C10orf90: variants seen among roughly 807,000 people sequenced by gnomAD.
C10orf90 encodes chromosome 10 open reading frame 90.
In C10orf90, 56 loss-of-function variants were observed where a neutral mutation model predicts 62.5. The ratio of observed to expected loss-of-function variants is 0.90; its 90% CI spans 0.72 to 1.12. The LOEUF (loss-of-function observed/expected upper bound fraction) is 1.12. Ranked by LOEUF, C10orf90 falls within the 50% of genes most tolerant of loss-of-function variation. The pLI is 0.00. For missense variants in C10orf90, 970 were observed against 880.4 expected (o/e 1.10, Z -1.29); for synonymous variants, 386 against 340.4 (o/e 1.13, Z -1.47).
chr10:126,668,151 A>G (rs1012727337), intron 1 of C10orf90, among the ~76,000 whole-genome samples: 1 of 152,222 alleles, frequency 6.6e-6, no homozygotes, highest in African/African-American at 2.4e-5. Context: ...AAAATCAAGC[A>G]GATTTGCAGG....
intron 2 of C10orf90, among the ~76,000 whole-genome samples, chr10:126,575,084 A>G (rs770372707): frequency 1.3e-5 from 2 of 152,136 alleles, no homozygotes; most frequent in African/African-American, 2.4e-5. Flanking sequence ...AGATAACATG[A>G]TTATGCATGT....
intron 7 of C10orf90, among the ~76,000 whole-genome samples, chr10:126,441,574 C>T (rs2134025373): frequency 6.6e-6 from 1 of 152,274 alleles, no homozygotes; most frequent in South Asian, 2.1e-4. Flanking sequence ...CGCCTAGGCA[C>T]ATTGTCATCA....
intron 2 of C10orf90, among the ~76,000 whole-genome samples, chr10:126,584,261 CCTGCCTGTCTACCTGT>C (rs1465346605): frequency 6.6e-6 from 1 of 152,032 alleles, no homozygotes; most frequent in African/African-American, 2.4e-5. Context: ...TGTCTGCCTG[CCTGCCTGTCTACCTGT>C]CTGCCTGTCC....
intron 2 of C10orf90, among the ~76,000 whole-genome samples, chr10:126,522,554 C>T (rs1863791676): frequency 6.6e-6 from 1 of 152,194 alleles, no homozygotes; most frequent in Non-Finnish European, 1.5e-5. Flanking sequence ...GTCAGTGTCT[C>T]CGTCATGTCA....
intron 2 of C10orf90, among the ~76,000 whole-genome samples, chr10:126,521,871 C>T (rs1387642990): frequency 6.6e-6 from 1 of 152,132 alleles, no homozygotes; most frequent in Non-Finnish European, 1.5e-5. Flanking sequence ...TTTGAGGTAG[C>T]TTATAGTTAA....
At chr10:126,607,857 C>A (rs1362838360) in intron 2 of C10orf90, among the ~76,000 whole-genome samples, 2 of 152,096 alleles carry the variant, frequency 1.3e-5, no homozygotes, top group Admixed American at 1.3e-4. Flanking sequence ...TATTACATGT[C>A]TATTATGTTA....
rs973878591 is a variant in C10orf90 at position 126,649,556 on chromosome 10, T to C, written c.241-2919A>G. Among the ~76,000 whole-genome samples, 32 of 152,322 alleles carry C rather than the reference T, an allele frequency of 2.1e-4. 2 individuals carry two copies. The highest frequency in any genetic ancestry group is 5.8e-4 in the African/African-American group (24 of 41,572). ...CCTGGTCCTTCTGGAGCTTGGCTCA[T>C]ATGACCTGCCCACATGCGTGTCTCT... On this transcript the variant is annotated intron_variant, in intron 1 of 9. Transcript: ENST00000488181.
intron 2 of C10orf90, among the ~76,000 whole-genome samples, chr10:126,604,584 G>C (rs1025643): frequency 6.6e-6 from 1 of 152,082 alleles, no homozygotes; most frequent in Non-Finnish European, 1.5e-5. Flanking sequence ...TTCCCCTCTC[G>C]CCAGACCCCC....
chr10:126,463,606 CCCAGCCA>C (rs1426466922), intron 5 of C10orf90, among the ~76,000 whole-genome samples: 5 of 152,210 alleles, frequency 3.3e-5, no homozygotes, highest in Admixed American at 1.3e-4. Flanking sequence ...TTCCTCCTGT[CCCAGCCA>C]CTTGCGTCAT....
intron 7 of C10orf90, among the ~76,000 whole-genome samples, chr10:126,439,086 C>T (rs532343478): frequency 1.1e-3 from 166 of 152,282 alleles, no homozygotes; most frequent in African/African-American, 3.4e-3. Flanking sequence ...TTGGCCATAA[C>T]GTTCCTGGTG....
At chr10:126,569,959 A>G (rs2134002442) in intron 2 of C10orf90, among the ~76,000 whole-genome samples, 1 of 152,332 alleles carries the variant, frequency 6.6e-6, no homozygotes, top group African/African-American at 2.4e-5. Context: ...TTAGCTGGTG[A>G]CTTCACAGCA....
intron 2 of C10orf90, chr10:126,522,799 T>C (rs1211474257): frequency 6.6e-6 from 1 of 152,186 alleles, no homozygotes; most frequent in Non-Finnish European, 1.5e-5. Flanking sequence ...TAGGAGAAGG[T>C]AAAAGTAGAA....
Position 126,450,168 on chromosome 10 carries a change from A to T in C10orf90, c.2188+8872T>A, listed in dbSNP as rs185575272. 2.6e-3 allele frequency among the ~76,000 whole-genome samples: 401 copies of T among 152,330 alleles called. 4 individuals carry two copies. The highest frequency in any genetic ancestry group is 9.3e-3 in the African/African-American group (387 of 41,578). ...ACTAAAAGCTATAGAACACTGATGA[A>T]AGAAACTGAAGACATAATTAAAAGA... On this transcript the variant is annotated intron_variant, in intron 7 of 9. Transcript: ENST00000488181.
At chr10:126,586,480 G>A (rs1000895815) in intron 2 of C10orf90, among the ~76,000 whole-genome samples, 3 of 152,190 alleles carry the variant, frequency 2.0e-5, no homozygotes, top group Admixed American at 2.0e-4. Flanking sequence ...GTCCATTCAA[G>A]GTTCATGTGG....
At chr10:126,499,545 T>C (rs891060270) in intron 4 of C10orf90, among the ~76,000 whole-genome samples, 1 of 152,180 alleles carries the variant, frequency 6.6e-6, no homozygotes, top group African/African-American at 2.4e-5. Context: ...TGTACATGGT[T>C]TGTTATCTGC....
At chr10:126,594,108 C>CTTTTT (rs5788794) in intron 2 of C10orf90, among the ~76,000 whole-genome samples, 15 of 132,044 alleles carry the variant, frequency 1.1e-4, no homozygotes, top group East Asian at 1.1e-3. Flanking sequence ...ACCAGGCTTG[C>CTTTTT]TTTTTTTTTT....
At chr10:126,476,954 G>C (rs1244779393) in intron 4 of C10orf90, among the ~76,000 whole-genome samples, 2 of 138,774 alleles carry the variant, frequency 1.4e-5, no homozygotes, top group Non-Finnish European at 3.0e-5. Flanking sequence ...CTGTCGCCCA[G>C]GCTGGAGTGC....
intron 2 of C10orf90, among the ~76,000 whole-genome samples, chr10:126,535,751 C>A (rs10901629): frequency 0.054 from 8,268 of 152,218 alleles, 338 homozygotes; most frequent in African/African-American, 0.11. Context: ...CCTTAGCCAG[C>A]CGAGCTTTTC....
At chr10:126,556,321 G>C (rs1207574283) in intron 2 of C10orf90, among the ~76,000 whole-genome samples, 1 of 152,114 alleles carries the variant, frequency 6.6e-6, no homozygotes, top group Non-Finnish European at 1.5e-5. Flanking sequence ...GAGCTGAGTG[G>C]GGACTCTGCA....
Sources: gnomAD v4.1 joint callset for allele counts (sites outside exome capture counted in the v4.1 genomes callset) on GRCh38, gnomAD v4.1.1 for gene constraint, MANE v1.5 for transcripts, NCBI Gene and HGNC (gene_info 2026-07-23, HGNC 2026-07-21) for gene names.